FANCI: variants seen among roughly 807,000 people sequenced by gnomAD.
FANCI encodes Fanconi anemia group I protein.
Under a neutral mutation model 176.1 loss-of-function variants are expected in FANCI, and 156 were observed. The observed-to-expected ratio is 0.89, with a 90% CI of 0.78 to 1.01. The LOEUF (loss-of-function observed/expected upper bound fraction) is 1.01. Ranked by LOEUF, FANCI falls within the 50% of genes least tolerant of loss-of-function variation. The probability of loss-of-function intolerance (pLI) is 0.00; values close to 1 mark genes in which losing one functional copy is unlikely to be tolerated. For synonymous variants in FANCI, 613 were observed against 541.7 expected (o/e 1.13, Z -1.83); for missense variants, 1,678 against 1,534.1 (o/e 1.09, Z -1.57).
At chr15:89,279,851 A>C (rs1220501872) in intron 14 of FANCI, among the ~76,000 whole-genome samples, 1 of 151,998 alleles carries the variant, frequency 6.6e-6, no homozygotes, top group East Asian at 1.9e-4. Context: ...TCTAATTCCT[A>C]TTCTTACTAC....
At chr15:89,278,445 T>C (rs547421385) in intron 13 of FANCI, among the ~76,000 whole-genome samples, 8 of 152,252 alleles carry the variant, frequency 5.3e-5, no homozygotes, top group Admixed American at 1.3e-4. Flanking sequence ...TATGTAGCAA[T>C]AGTTTAATGT....
intron 34 of FANCI, among the ~76,000 whole-genome samples, chr15:89,312,349 T>G (rs1463921203): frequency 6.6e-6 from 1 of 152,196 alleles, no homozygotes; most frequent in Non-Finnish European, 1.5e-5. Flanking sequence ...TGCCTTCAAC[T>G]TCCATGTGCC....
Position 89,317,085 on chromosome 15 carries a change from A to G in FANCI, c.*626A>G, listed in dbSNP as rs1291258499. 8 of 591,858 alleles carry G rather than the reference A, an allele frequency of 1.4e-5. No homozygotes were observed. The East Asian group carries it at 2.0e-4, about 15-fold the overall frequency. 36.7% of individuals were successfully genotyped at this position (591,858 alleles called of 1,614,324 possible). Reference sequence around the variant, plus strand: ...AGCACAGTTTGTTTTTCTGTCACCTATAGAGTGCAAGAATGCACTCTATAG... The same window carrying G: ...AGCACAGTTTGTTTTTCTGTCACCTGTAGAGTGCAAGAATGCACTCTATAG... On this transcript the variant is annotated 3_prime_UTR_variant, in exon 38 of 38. Transcript: ENST00000310775.
chr15:89,250,698 AAT>A (rs551660561), intron 2 of FANCI, among the ~76,000 whole-genome samples: 11 of 149,530 alleles, frequency 7.4e-5, no homozygotes, highest in South Asian at 2.1e-4. Flanking sequence ...GTATAATAAA[AAT>A]ATATATATAT....
intron 28 of FANCI, 35 bp from the exon 29 acceptor site, chr15:89,305,080 C>T (rs2054666465): frequency 1.2e-6 from 2 of 1,611,868 alleles, no homozygotes; most frequent in African/African-American, 1.3e-5. Flanking sequence ...TTGGCCACAA[C>T]TTACCTTTTA....
At chr15:89,266,165 GT>G (rs34065435) in intron 9 of FANCI, among the ~76,000 whole-genome samples, 4,518 of 109,722 alleles carry the variant, frequency 0.041, 213 homozygotes, top group African/African-American at 0.14. Context: ...CCTGGCTACT[GT>G]TTTTTTTTTT....
chr15:89,252,473 C>T (rs762987501), intron 2 of FANCI, among the ~76,000 whole-genome samples: 1 of 152,024 alleles, frequency 6.6e-6, no homozygotes, highest in Non-Finnish European at 1.5e-5. Context: ...AGCCAGTTAG[C>T]TCACGCCTGT....
chr15:89,305,268 T>C (rs762787530), intron 29 of FANCI, 26 bp downstream of exon 29: 13 of 1,614,046 alleles, frequency 8.1e-6, no homozygotes, highest in Non-Finnish European at 1.1e-5. Flanking sequence ...TTCAGTACAA[T>C]ACCCTGTGTG....
At chr15:89,308,135 A>G in intron 34 of FANCI, 1 of 1,089,152 alleles carries the variant, frequency 9.2e-7, no homozygotes. Flanking sequence ...TTCCTGCAGT[A>G]CTTGAATCTC....
In FANCI at chr15:89,281,790, T is replaced by A. The variant is rs1440517413; in HGVS notation, c.1538T>A (p.Met513Lys). The stretch of plus-strand genomic sequence containing the variant: ...CCCCTTCTCAAAGTCAGCATGTCAA[T>A]GAGAGACTGCTTGATACTTGTCCTT... ...VQPLLKVSMS[M>K]RDCLILVLRK... The change falls in exon 16 of 38, where the codon ATG (methionine) becomes AAG (lysine). Residue 513 changes from methionine (M) to lysine (K), a missense_variant. By Grantham distance (95) the Met-to-Lys change is moderately conservative. Around this residue, in one of 3 missense-constraint regions of FANCI, gnomAD observed 1,204 missense variants for 1,077.4 expected, o/e 1.12. Coordinates refer to ENST00000310775, the MANE Select transcript of FANCI (RefSeq NM_001113378.2). 3 of 1,613,996 alleles carry A rather than the reference T, an allele frequency of 1.9e-6. No individual in the cohort carries two copies. The highest frequency in any genetic ancestry group is 1.1e-5 in the South Asian group (1 of 91,080).
chr15:89,286,188 T>A (rs2053809358), intron 18 of FANCI, among the ~76,000 whole-genome samples: 1 of 152,190 alleles, frequency 6.6e-6, no homozygotes, highest in Non-Finnish European at 1.5e-5. Flanking sequence ...AGATGGGATT[T>A]CACCATGTTG....
Position 89,263,480 on chromosome 15 carries a change from T to C in FANCI, c.545+20T>C. 2 of 1,598,530 alleles carry C rather than the reference T, an allele frequency of 1.3e-6. No homozygotes were observed. The highest frequency in any genetic ancestry group is 1.7e-6 in the Non-Finnish European group (2 of 1,165,888). ...GTTCAAGTAAGCATCATCTTTTCCC[T>C]TTTCTTTGTGTATCCTGCTTTGTGA... On this transcript the variant is annotated intron_variant, in intron 7 of 37. Coordinates refer to ENST00000310775, the MANE Select transcript of FANCI (RefSeq NM_001113378.2).
intron 24 of FANCI, among the ~76,000 whole-genome samples, chr15:89,297,748 AGGGAGAGGGAGACCGTG>A (rs1164093399): frequency 8.1e-5 from 4 of 49,106 alleles, no homozygotes; most frequent in Non-Finnish European, 1.5e-4. Context: ...GTGGAAAGAG[AGGGAGAGGGAGACCGTG>A]GGGAGAGGGA....
Position 89,273,547 on chromosome 15 carries a change from T to A in FANCI, c.975+78T>A, listed in dbSNP as rs528357302. 7.8e-6 allele frequency: 7 copies of A among 897,362 alleles called. No homozygotes were observed. In the South Asian group the frequency reaches 1.0e-4, roughly 13 times the overall value. The allele number at this position is 897,362 out of a possible 1,614,324, so 55.6% of individuals were successfully genotyped here. On this transcript the variant is annotated intron_variant, in intron 11 of 37. Transcript: ENST00000310775. ...AAAAAAAAAAAAAATCACAGTAATC[T>A]GTTTTTGTTGTATCCGTTCCTAAAC...
At chr15:89,260,991 C>A in intron 4 of FANCI, 148 bp downstream of exon 4, 1 of 1,014,590 alleles carries the variant, frequency 9.9e-7, no homozygotes, top group Non-Finnish European at 1.5e-6. Context: ...GCAGGCCGGG[C>A]ATGGTGACTC....
rs373941070 is a variant in FANCI, at chr15:89,295,366, GA to G, written c.2636+290del. ...GGGTGACAGGGCAAGACTCTCAAAA[GA>G]AAAAAAAAAAAAAAAAAGCCAGACA... On this transcript the variant is annotated intron_variant, in intron 24 of 37. Transcript: ENST00000310775. Among the ~76,000 whole-genome samples the G allele has an allele frequency of 0.42, 40,372 of 96,784 alleles. 5,802 individuals are homozygous for G. The highest frequency in any genetic ancestry group is 0.47 in the South Asian group (1,425 of 3,036). The allele number at this position is 96,784 out of a possible 152,430, so 63.5% of individuals were successfully genotyped here.
chr15:89,261,662 G>A lies in FANCI; in HGVS notation c.366G>A (p.Val122=). ...FISAVREGSL[V]NGKSLELLPI... ...GTGCTGTCAGAGAAGGCAGCCTAGT[G>A]AATGGAAAATCTTTGGAGTTACTAC... Residue 122 remains valine, a synonymous_variant, in exon 5 of 38, where the codon GTG becomes GTA. Transcript: ENST00000310775. 1 of 1,614,128 alleles carries A rather than the reference G, an allele frequency of 6.2e-7. No homozygotes were observed. The highest frequency in any genetic ancestry group is 1.6e-4 in the Middle Eastern group (1 of 6,062).
At chr15:89,282,765 A>G (rs1408120825) in intron 16 of FANCI, 1 of 323,676 alleles carries the variant, frequency 3.1e-6, no homozygotes, top group Non-Finnish European at 6.1e-6. Context: ...TTATCCTATG[A>G]TGAAAGAGAG....
intron 18 of FANCI, 21 bp from the exon 19 acceptor site, chr15:89,290,192 C>A: frequency 6.3e-7 from 1 of 1,598,926 alleles, no homozygotes; most frequent in Non-Finnish European, 8.6e-7. Flanking sequence ...GTGCTTATTT[C>A]TTCTCTTTGA....
Sources: gnomAD v4.1 joint callset for allele counts (sites outside exome capture counted in the v4.1 genomes callset) on GRCh38, gnomAD v4.1.1 for gene constraint, gnomAD v4.1.1 regional missense constraint, MANE v1.5 for transcripts, NCBI Gene and HGNC (gene_info 2026-07-23, HGNC 2026-07-21) for gene names.